LCMT1: variants seen among roughly 807,000 people sequenced by gnomAD.
LCMT1 encodes leucine carboxyl methyltransferase 1, also known as [Phosphatase 2A protein]-leucine-carboxy methyltransferase 1.
A neutral mutation model predicts 47.7 loss-of-function variants in LCMT1; 32 were observed. That is an observed-to-expected ratio of 0.67 (90% CI 0.51 to 0.90). LCMT1 has a LOEUF of 0.90. Among genes scored for constraint, LCMT1 ranks in the 40% least tolerant of loss-of-function variants. LCMT1 has a pLI of 0.00. For synonymous variants in LCMT1, 152 were observed against 149.7 expected (o/e 1.02, Z -0.11); for missense variants, 375 against 415.2 (o/e 0.90, Z 0.84).
intron 4 of LCMT1, chr16:25,145,707 T>C (rs571059293): frequency 6.6e-6 from 1 of 152,390 alleles, no homozygotes; most frequent in East Asian, 1.9e-4. Context: ...TGGCAGGGTT[T>C]AGCCCTTGCT....
chr16:25,126,276 C>A, intron 1 of LCMT1: 1 of 941,454 alleles, frequency 1.1e-6, no homozygotes, highest in Non-Finnish European at 1.4e-6. Flanking sequence ...CCCAGATGCC[C>A]TCCAGACCCT....
intron 1 of LCMT1, among the ~76,000 whole-genome samples, chr16:25,124,427 A>G (rs968886175): frequency 6.6e-6 from 1 of 152,254 alleles, no homozygotes; most frequent in South Asian, 2.1e-4. Flanking sequence ...CTCTATGTTT[A>G]TAGAATTAAG....
chr16:25,137,085 G>A (rs1960525567), intron 3 of LCMT1, among the ~76,000 whole-genome samples: 1 of 152,064 alleles, frequency 6.6e-6, no homozygotes, highest in African/African-American at 2.4e-5. Context: ...AAAAGGTGTT[G>A]TAGAAATTGA....
In LCMT1 at chr16:25,111,892, T is replaced by C; in HGVS notation, c.9T>C (p.Thr3=). 1 of 1,611,540 alleles carries C rather than the reference T, an allele frequency of 6.2e-7. No homozygotes were observed. Among genetic ancestry groups the C allele is most frequent in the African/African-American group, 1.3e-5 (1 of 75,014 alleles). MA[T]RQRESSITSC... ...CAGGAACCTCCACGCCCATGGCCAC[T>C]AGGCAGAGGGAATCCTCTATCACCT... The change falls in exon 1 of 11, where the codon ACT becomes ACC. Residue 3 remains threonine (T), a synonymous_variant. Coordinates refer to ENST00000399069, the MANE Select transcript of LCMT1 (RefSeq NM_016309.3).
chr16:25,112,344 G>A (rs1959648093), intron 1 of LCMT1, among the ~76,000 whole-genome samples: 2 of 152,228 alleles, frequency 1.3e-5, no homozygotes, highest in Non-Finnish European at 2.9e-5. Context: ...GAGGATGAGA[G>A]GTGTAGGTTC....
chr16:25,152,060 G>T (rs1224732607), intron 5 of LCMT1, among the ~76,000 whole-genome samples: 1 of 152,140 alleles, frequency 6.6e-6, no homozygotes, highest in African/African-American at 2.4e-5. Flanking sequence ...TGATCCAAGG[G>T]TGGAGGTTTT....
chr16:25,140,866 T>A (rs979079072), intron 4 of LCMT1: 1 of 152,354 alleles, frequency 6.6e-6, no homozygotes, highest in African/African-American at 2.4e-5. Flanking sequence ...GAACTTTAAG[T>A]AGAAGGCATG....
intron 8 of LCMT1, among the ~76,000 whole-genome samples, chr16:25,170,390 T>A (rs277893): frequency 0.67 from 101,885 of 151,762 alleles, 34,658 homozygotes; most frequent in Non-Finnish European, 0.74. Flanking sequence ...ATATGGAAAG[T>A]TGGAAAGTTA....
At chr16:25,153,527 T>C (rs1961142937) in intron 5 of LCMT1, among the ~76,000 whole-genome samples, 1 of 152,220 alleles carries the variant, frequency 6.6e-6, no homozygotes, top group Non-Finnish European at 1.5e-5. Flanking sequence ...TCATTGGGAC[T>C]GAATCACCTC....
intron 4 of LCMT1, among the ~76,000 whole-genome samples, chr16:25,150,786 A>G (rs557151449): frequency 6.6e-6 from 1 of 152,322 alleles, no homozygotes; most frequent in Admixed American, 6.5e-5. Context: ...TCTGATCCTT[A>G]TAAAGTGGAA....
chr16:25,171,741 C>T lies in LCMT1; in HGVS notation c.884+936C>T, dbSNP rs1173100854. ...ATAAAGGAAATCTATGCTTCTTGTT[C>T]TAAAAAGTTCCTCAAGCATTCTAAA... On this transcript the variant is annotated intron_variant, in intron 9 of 10. Transcript: ENST00000399069. Among the ~76,000 whole-genome samples, 5 of 152,122 alleles carry T rather than the reference C, an allele frequency of 3.3e-5. No individual in the cohort carries two copies. In the East Asian group the frequency reaches 9.6e-4, roughly 29 times the overall value.
chr16:25,174,852 C>G, intron 9 of LCMT1, 85 bp from the exon 10 acceptor site: 1 of 593,170 alleles, frequency 1.7e-6, no homozygotes, highest in African/African-American at 1.9e-5. Context: ...CTATCATAAA[C>G]ATTTTTTCAT....
Position 25,161,177 on chromosome 16 carries a change from A to G in LCMT1, c.542A>G (p.Lys181Arg), listed in dbSNP as rs1961422862. The change falls in exon 6 of 11, where the codon AAG becomes AGG. Residue 181 changes from lysine to arginine, a missense_variant. Transcript: ENST00000399069. ...DLRDLSELEEKLKKCNMNTQL... is the reference protein window; with the variant it reads ...DLRDLSELEERLKKCNMNTQL... ...CGAGACCTGTCTGAACTGGAAGAGA[A>G]GCTAAAGAAATGTAACATGAATACA... is the stretch of plus-strand genomic sequence containing the variant. 1 of 1,607,384 alleles carries G rather than the reference A, an allele frequency of 6.2e-7. No individual in the cohort carries two copies. The highest frequency in any genetic ancestry group is 8.5e-7 in the Non-Finnish European group (1 of 1,176,918).
chr16:25,163,521 A>G (rs941932103), intron 6 of LCMT1, among the ~76,000 whole-genome samples: 36 of 152,108 alleles, frequency 2.4e-4, no homozygotes, highest in Non-Finnish European at 1.0e-4. Context: ...TACACATACA[A>G]TCATTCATTT....
intron 1 of LCMT1, among the ~76,000 whole-genome samples, chr16:25,112,751 A>G (rs1487496007): frequency 3.3e-5 from 5 of 152,208 alleles, no homozygotes; most frequent in Non-Finnish European, 7.3e-5. Flanking sequence ...ACAGGAAGCA[A>G]ATAATTACCT....
chr16:25,120,047 C>T (rs1959919248), intron 1 of LCMT1, among the ~76,000 whole-genome samples: 1 of 151,586 alleles, frequency 6.6e-6, no homozygotes, highest in Non-Finnish European at 1.5e-5. Flanking sequence ...GTAATCCTAG[C>T]TACTTGGGAG....
intron 1 of LCMT1, among the ~76,000 whole-genome samples, chr16:25,127,490 G>A (rs1338281313): frequency 1.3e-5 from 2 of 152,190 alleles, no homozygotes; most frequent in African/African-American, 2.4e-5. Flanking sequence ...AGATTGTGCA[G>A]AATTCAACAC....
rs1176642521 is a variant in LCMT1, at chr16:25,164,699, T to C, written c.671T>C (p.Met224Thr). Residue 224 changes from methionine (M) to threonine (T), a missense_variant, in exon 7 of 11, where the codon ATG (methionine) becomes ACG (threonine). Coordinates refer to ENST00000399069, the MANE Select transcript of LCMT1 (RefSeq NM_016309.3). ...KWAANSFERAMFINYEQVNMG... is the reference protein window; with the variant it reads ...KWAANSFERATFINYEQVNMG... Reference sequence around the variant, plus strand: ...GCAGCCAACAGTTTTGAGAGAGCCATGTTCATAAACTACGAACAGGTAAAA... The same window carrying C: ...GCAGCCAACAGTTTTGAGAGAGCCACGTTCATAAACTACGAACAGGTAAAA... 6.2e-7 allele frequency: 1 copy of C among 1,614,048 alleles called. No homozygotes were observed. The highest frequency in any genetic ancestry group is 2.2e-5 in the East Asian group (1 of 44,892).
Position 25,170,818 on chromosome 16 carries a change from T to G in LCMT1, c.884+13T>G, listed in dbSNP as rs569756235. On this transcript the variant is annotated intron_variant, in intron 9 of 10. Transcript: ENST00000399069. Reference sequence around the variant, plus strand: ...CTGAAGTGAGCAGGTATGGGGTTGGTGAGCGTCAGCTTGATGGGCATTCAT... The same window carrying G: ...CTGAAGTGAGCAGGTATGGGGTTGGGGAGCGTCAGCTTGATGGGCATTCAT... The G allele has an allele frequency of 9.5e-6, 15 of 1,581,382 alleles. No homozygotes were observed. The African/African-American group carries it at 1.3e-4, about 14-fold the overall frequency.
Sources: allele counts gnomAD v4.1 joint callset (sites outside exome capture counted in the v4.1 genomes callset), GRCh38; gene constraint gnomAD v4.1.1; transcripts MANE v1.5; gene names NCBI Gene and HGNC (gene_info 2026-07-23, HGNC 2026-07-21).